Variants in GMDS observed in about 807,000 individuals in gnomAD.
GMDS encodes the protein GDP-mannose 4,6-dehydratase, also known as GDP-mannose 4,6 dehydratase.
In GMDS, 20 loss-of-function variants were observed where a neutral mutation model predicts 49.9. The ratio of observed to expected loss-of-function variants is 0.40; its 90% CI spans 0.28 to 0.58. The LOEUF is 0.58. Ranked by LOEUF, GMDS falls within the 20% of genes least tolerant of loss-of-function variation. The pLI is 0.42. For synonymous variants in GMDS, 177 were observed against 178.6 expected, an observed-to-expected ratio of 0.99 and a Z score of 0.07; for missense variants, 362 against 481.4, an observed-to-expected ratio of 0.75 and a Z score of 2.32.
At chr6:1,842,153 C>T (rs1466404297) in intron 7 of GMDS, among the ~76,000 whole-genome samples, 1 of 152,184 alleles carries the variant, frequency 6.6e-6, no homozygotes, top group African/African-American at 2.4e-5. Flanking sequence ...AAAATCTCCA[C>T]CTCACCTCTT....
chr6:1,906,487 C>A (rs1484694271), intron 7 of GMDS, among the ~76,000 whole-genome samples: 1 of 152,226 alleles, frequency 6.6e-6, no homozygotes, highest in Non-Finnish European at 1.5e-5. Flanking sequence ...TCATTGCAGT[C>A]AGCAGATTTT....
chr6:2,131,730 G>C (rs904053950), intron 1 of GMDS, among the ~76,000 whole-genome samples: 1 of 152,052 alleles, frequency 6.6e-6, no homozygotes, highest in Non-Finnish European at 1.5e-5. Flanking sequence ...GATACAGCAA[G>C]GGTGAGTCCA....
chr6:1,748,205 G>A (rs1767590349), intron 7 of GMDS, among the ~76,000 whole-genome samples: 1 of 152,080 alleles, frequency 6.6e-6, no homozygotes, highest in Admixed American at 6.5e-5. Context: ...CTAGTCTTGT[G>A]TTAATCATTC....
chr6:2,164,575 TA>T (rs1232389540), intron 1 of GMDS, among the ~76,000 whole-genome samples: 1 of 152,206 alleles, frequency 6.6e-6, no homozygotes, highest in Non-Finnish European at 1.5e-5. Flanking sequence ...CATCAGAATT[TA>T]GGGTTCGATA....
At chr6:2,220,072 C>T (rs1344628658) in intron 1 of GMDS, among the ~76,000 whole-genome samples, 1 of 152,158 alleles carries the variant, frequency 6.6e-6, no homozygotes, top group African/African-American at 2.4e-5. Context: ...TGTGCATTCA[C>T]AATAAAACAT....
intron 6 of GMDS, among the ~76,000 whole-genome samples, chr6:1,948,065 T>A (rs1232902700): frequency 1.3e-5 from 2 of 152,210 alleles, no homozygotes; most frequent in Non-Finnish European, 2.9e-5. Context: ...CGATTTCCTT[T>A]AATGCTTATA....
At chr6:2,111,022 G>A (rs1047015516) in intron 4 of GMDS, among the ~76,000 whole-genome samples, 1 of 152,146 alleles carries the variant, frequency 6.6e-6, no homozygotes, top group African/African-American at 2.4e-5. Flanking sequence ...TGAGGCAAAG[G>A]AAAGAAATAC....
At chr6:1,645,474 G>C (rs1022785776) in intron 9 of GMDS, among the ~76,000 whole-genome samples, 1 of 152,206 alleles carries the variant, frequency 6.6e-6, no homozygotes, top group East Asian at 1.9e-4. Flanking sequence ...CGGCATGCTC[G>C]AGTGCCCGGG....
At chr6:2,203,628 G>C (rs1779652636) in intron 1 of GMDS, among the ~76,000 whole-genome samples, 1 of 151,932 alleles carries the variant, frequency 6.6e-6, no homozygotes, top group African/African-American at 2.4e-5. Flanking sequence ...AATGTTTTCT[G>C]TAATGATTTG....
Position 1,930,196 on chromosome 6 carries a change from T to C in GMDS, c.678A>G (p.Ser226=). 7 of 1,613,012 alleles carry C rather than the reference T, an allele frequency of 4.3e-6. No individual in the cohort carries two copies. Among genetic ancestry groups the C allele is most frequent in the Non-Finnish European group, 5.9e-6 (7 of 1,179,298 alleles). Residue 226 remains serine, a synonymous_variant, in exon 7 of 11, where the codon TCA becomes TCG. Transcript: ENST00000380815. ...ANFVTRKISR[S]VAKIYLGQLE... Reference sequence around the variant, plus strand: ...GTTGTCCAAGGTAAATCTTAGCTACTGACCGGCTAATTTTTCGAGTAACGA... The same window carrying C: ...GTTGTCCAAGGTAAATCTTAGCTACCGACCGGCTAATTTTTCGAGTAACGA...
intron 9 of GMDS, among the ~76,000 whole-genome samples, chr6:1,652,409 T>A (rs1406649798): frequency 3.3e-3 from 6 of 1,838 alleles, no homozygotes; most frequent in Non-Finnish European, 7.2e-3. Flanking sequence ...TATATATATA[T>A]TATATATAAT....
intron 9 of GMDS, among the ~76,000 whole-genome samples, chr6:1,667,473 C>A (rs1186944867): frequency 1.3e-5 from 2 of 152,120 alleles, no homozygotes; most frequent in African/African-American, 4.8e-5. Context: ...TCCCAGAGCC[C>A]CTCGTGAAGT....
In GMDS at chr6:1,635,426, C is replaced by T. The variant is rs1209307358; in HGVS notation, c.988-10886G>A. ...CCTCCGGCTGCAGCAGGAGGAAGTC[C>T]GAGAGGGGGCCTTTCACATGACATC... On this transcript the variant is annotated intron_variant, in intron 9 of 10. Coordinates refer to ENST00000380815, the MANE Select transcript of GMDS (RefSeq NM_001500.4). The surrounding 1 kb of genome is among the most constrained non-coding windows in gnomAD (Gnocchi z 4.7). Among the ~76,000 whole-genome samples, 2 of 152,178 alleles carry T rather than the reference C, an allele frequency of 1.3e-5. No individual in the cohort carries two copies. Among genetic ancestry groups the T allele is most frequent in the African/African-American group, 4.8e-5 (2 of 41,430 alleles).
intron 1 of GMDS, among the ~76,000 whole-genome samples, chr6:2,142,105 G>T (rs1200457503): frequency 1.3e-5 from 2 of 152,128 alleles, no homozygotes; most frequent in Admixed American, 1.3e-4. Context: ...TACTATTTAA[G>T]TTTTACTGCA....
chr6:1,848,683 G>A (rs763914590), intron 7 of GMDS, among the ~76,000 whole-genome samples: 2 of 152,278 alleles, frequency 1.3e-5, no homozygotes, highest in East Asian at 1.9e-4. Context: ...GGGTGGGAAC[G>A]TCCAGAGGGC....
chr6:2,165,649 T>C (rs998649157), intron 1 of GMDS, among the ~76,000 whole-genome samples: 2 of 152,236 alleles, frequency 1.3e-5, no homozygotes, highest in Non-Finnish European at 2.9e-5. Flanking sequence ...GCATAGTATG[T>C]TTATCTCATA....
intron 9 of GMDS, among the ~76,000 whole-genome samples, chr6:1,639,306 C>T (rs190298416): frequency 6.6e-5 from 10 of 152,342 alleles, no homozygotes; most frequent in Admixed American, 2.6e-4. Context: ...CACAGTGGGA[C>T]GCAGGAGGCG....
intron 9 of GMDS, among the ~76,000 whole-genome samples, chr6:1,667,349 T>C (rs1227226063): frequency 6.6e-6 from 1 of 152,250 alleles, no homozygotes. Context: ...CAGACTGCTC[T>C]TTATAAACCC....
chr6:1,787,664 G>A (rs948733756), intron 7 of GMDS, among the ~76,000 whole-genome samples: 3 of 152,188 alleles, frequency 2.0e-5, no homozygotes, highest in Non-Finnish European at 4.4e-5. Context: ...CATTTTTAAT[G>A]TGAAGAAGGT....
Sources: allele counts gnomAD v4.1 joint callset (sites outside exome capture counted in the v4.1 genomes callset), GRCh38; gene constraint gnomAD v4.1.1; non-coding constraint Gnocchi (gnomAD v3.1); transcripts MANE v1.5; gene names NCBI Gene and HGNC (gene_info 2026-07-23, HGNC 2026-07-21).